Variants in LDLRAD4 observed in about 807,000 individuals in gnomAD.
The protein encoded by LDLRAD4 is low-density lipoprotein receptor class A domain-containing protein 4.
A neutral mutation model predicts 17.0 loss-of-function variants in LDLRAD4; 5 were observed. That is an observed-to-expected ratio of 0.29 (90% CI 0.15 to 0.62). LDLRAD4 has a LOEUF of 0.62. LDLRAD4 is among the 20% of genes least tolerant of loss of function. The pLI, the probability that LDLRAD4 is intolerant of heterozygous loss-of-function variation, is 0.84. For missense variants in LDLRAD4, 340 were observed against 424.7 expected (o/e 0.80, Z 1.75); for synonymous variants, 168 against 171.8 (o/e 0.98, Z 0.17).
chr18:13,357,615 A>G (rs762522215), intron 1 of LDLRAD4, among the ~76,000 whole-genome samples: 2 of 152,124 alleles, frequency 1.3e-5, no homozygotes, highest in Non-Finnish European at 2.9e-5. Flanking sequence ...AAGAAGTGGT[A>G]TATTTTTTCA....
upstream of LDLRAD4, among the ~76,000 whole-genome samples, chr18:13,275,747 C>T (rs1033464592): frequency 6.7e-6 from 1 of 149,134 alleles, no homozygotes; most frequent in Non-Finnish European, 1.5e-5. Context: ...CATATACCTA[C>T]TATGTGCACA....
chr18:13,359,204 G>A (rs1425058698), intron 1 of LDLRAD4, among the ~76,000 whole-genome samples: 16 of 152,222 alleles, frequency 1.1e-4, no homozygotes, highest in Admixed American at 9.2e-4. Context: ...CTGAGGCAGG[G>A]ACTCCAGGGA....
chr18:13,593,575 G>A (rs1046431679), intron 3 of LDLRAD4, among the ~76,000 whole-genome samples: 6 of 140,138 alleles, frequency 4.3e-5, no homozygotes, highest in Middle Eastern at 3.7e-3. Context: ...CTGTCCGTCC[G>A]TCCGTCCGTC....
chr18:13,389,088 C>G (rs1019393086), intron 2 of LDLRAD4, among the ~76,000 whole-genome samples: 37 of 152,336 alleles, frequency 2.4e-4, no homozygotes, highest in African/African-American at 8.4e-4. Flanking sequence ...AACTCTGCAG[C>G]TGTGTAGACG....
At chr18:13,349,244 A>G (rs1051711349) in intron 1 of LDLRAD4, among the ~76,000 whole-genome samples, 4 of 152,212 alleles carry the variant, frequency 2.6e-5, no homozygotes, top group Non-Finnish European at 5.9e-5. Context: ...ATTAATATCA[A>G]TTTAATATCA....
intron 3 of LDLRAD4, among the ~76,000 whole-genome samples, chr18:13,593,030 A>T (rs1487203653): frequency 6.6e-6 from 1 of 152,238 alleles, no homozygotes; most frequent in African/African-American, 2.4e-5. Flanking sequence ...TAAAAAATCC[A>T]GTCTTGGCTG....
At chr18:13,643,248 A>T in intron 4 of LDLRAD4, 111 bp from the exon 6 acceptor site, 3 of 691,968 alleles carry the variant, frequency 4.3e-6, no homozygotes, top group Non-Finnish European at 7.1e-6. Context: ...TCCACGTTTT[A>T]TGCAGATCCC....
intron 1 of LDLRAD4, among the ~76,000 whole-genome samples, chr18:13,261,815 G>C (rs918370188): frequency 6.6e-6 from 1 of 152,214 alleles, no homozygotes; most frequent in African/African-American, 2.4e-5. Context: ...CTGTGTCTAA[G>C]GAGGAAGGGC....
intron 3 of LDLRAD4, among the ~76,000 whole-genome samples, chr18:13,479,281 T>G (rs1356118485): frequency 6.6e-6 from 1 of 152,200 alleles, no homozygotes; most frequent in Non-Finnish European, 1.5e-5. Context: ...GAAGCTGCAC[T>G]TCATTAAAAT....
intron 1 of LDLRAD4, among the ~76,000 whole-genome samples, chr18:13,232,848 G>A (rs1362518166): frequency 6.6e-6 from 1 of 152,186 alleles, no homozygotes; most frequent in East Asian, 1.9e-4. Context: ...ATGCTCGTCC[G>A]AACTCAGCTC....
chr18:13,641,889 G>C, intron 4 of LDLRAD4: 1 of 985,520 alleles, frequency 1.0e-6, no homozygotes, highest in Non-Finnish European at 1.2e-6. Context: ...GCCCCTCTGA[G>C]TGCCCCGCAG....
At chr18:13,566,756 G>A (rs144048491) in intron 3 of LDLRAD4, among the ~76,000 whole-genome samples, 2 of 152,264 alleles carry the variant, frequency 1.3e-5, no homozygotes, top group Non-Finnish European at 2.9e-5. Context: ...CTTTATCCTT[G>A]ACACATGGGT....
At chr18:13,336,554 C>G (rs539720282) in intron 1 of LDLRAD4, among the ~76,000 whole-genome samples, 1 of 151,996 alleles carries the variant, frequency 6.6e-6, no homozygotes, top group Non-Finnish European at 1.5e-5. Context: ...TTTCTTTTAC[C>G]TAAGTTTCAA....
chr18:13,641,384 T>G (rs2042539312), intron 4 of LDLRAD4, among the ~76,000 whole-genome samples: 1 of 152,116 alleles, frequency 6.6e-6, no homozygotes, highest in African/African-American at 2.4e-5. Flanking sequence ...CAGAGACAAA[T>G]GGATAGAGAT....
chr18:13,308,858 C>T (rs1224869183), intron 1 of LDLRAD4, among the ~76,000 whole-genome samples: 1 of 152,112 alleles, frequency 6.6e-6, no homozygotes, highest in Non-Finnish European at 1.5e-5. Context: ...TTGATTTTTG[C>T]CAGGCTGGAG....
intron 4 of LDLRAD4, among the ~76,000 whole-genome samples, chr18:13,640,292 CAA>C (rs55794457): frequency 1.2e-4 from 12 of 98,442 alleles, no homozygotes; most frequent in African/African-American, 2.9e-4. Context: ...GATTCCATCT[CAA>C]AAAAAAAAAA....
At chr18:13,395,069 G>GC (rs2086550490) in intron 2 of LDLRAD4, among the ~76,000 whole-genome samples, 2 of 152,268 alleles carry the variant, frequency 1.3e-5, no homozygotes, top group African/African-American at 4.8e-5. Flanking sequence ...GGAGCAGCCT[G>GC]CCCCGGTCAC....
chr18:13,550,404 A>G (rs2094419700), intron 3 of LDLRAD4, among the ~76,000 whole-genome samples: 1 of 152,232 alleles, frequency 6.6e-6, no homozygotes, highest in African/African-American at 2.4e-5. Context: ...GATGGATGAA[A>G]ACAAAATTCT....
At chr18:13,390,216 G>A (rs184590619) in intron 2 of LDLRAD4, among the ~76,000 whole-genome samples, 1 of 152,350 alleles carries the variant, frequency 6.6e-6, no homozygotes, top group East Asian at 1.9e-4. Context: ...TCCCCCCAGT[G>A]TCAGCCTGGC....
Sources: allele counts gnomAD v4.1 joint callset (sites outside exome capture counted in the v4.1 genomes callset), GRCh38; gene constraint gnomAD v4.1.1; transcripts MANE v1.5; gene names NCBI Gene and HGNC (gene_info 2026-07-23, HGNC 2026-07-21).